Variants in DOCK8 observed in about 807,000 individuals in gnomAD.
The protein encoded by DOCK8 is dedicator of cytokinesis protein 8.
Under a neutral mutation model 245.6 loss-of-function variants are expected in DOCK8, and 141 were observed. The ratio of observed to expected loss-of-function variants is 0.57; its 90% CI spans 0.50 to 0.66. The LOEUF is 0.66. Ranked by LOEUF, DOCK8 falls within the 30% of genes least tolerant of loss-of-function variation. The pLI is 0.00. For synonymous variants in DOCK8, 1,168 were observed against 970.2 expected, an observed-to-expected ratio of 1.20 and a Z score of -3.79; for missense variants, 2,965 against 2,603.4, an observed-to-expected ratio of 1.14 and a Z score of -3.02.
chr9:317,318 A>T (rs1335483343), intron 7 of DOCK8, among the ~76,000 whole-genome samples, 190 bp downstream of exon 7: 1 of 152,090 alleles, frequency 6.6e-6, no homozygotes, highest in African/African-American at 2.4e-5. Flanking sequence ...CAACTTCTTG[A>T]TGGTCATTCT....
chr9:309,405 C>A lies in DOCK8; in HGVS notation c.529-2549C>A, dbSNP rs74769552. ...AAAATGTGTAGTATGGAGAAATTGT[C>A]CAGTAGTATGTCCATTTAGTAGAAT... On this transcript the variant is annotated intron_variant, in intron 5 of 47. Coordinates refer to ENST00000432829, the MANE Select transcript of DOCK8 (RefSeq NM_203447.4). Among the ~76,000 whole-genome samples, 1,518 of 152,078 alleles carry A rather than the reference C, an allele frequency of 1.0e-2. 25 individuals are homozygous for A. Among genetic ancestry groups the A allele is most frequent in the African/African-American group, 0.035 (1,437 of 41,476 alleles).
At position 373,396 on chromosome 9, in the gene DOCK8, CTG is replaced by C. The variant is rs1362537956; in HGVS notation, c.2109+1112_2109+1113del. 1.1e-4 allele frequency among the ~76,000 whole-genome samples: 16 copies of C among 152,248 alleles called. No individual in the cohort carries two copies. In the South Asian group the frequency reaches 2.9e-3, roughly 28 times the overall value. On this transcript the variant is annotated intron_variant, in intron 18 of 47. Transcript: ENST00000432829. ...CCATTGTCATACTTTAAAATTTTAA[CTG>C]TAATTTCTTAGTATCATCAAATATT...
In DOCK8 at chr9:215,083, T is replaced by G. The variant is rs201447274; in HGVS notation, c.53+54T>G. On this transcript the variant is annotated intron_variant, in intron 1 of 47. Transcript: ENST00000432829. The stretch of plus-strand genomic sequence containing the variant: ...GCGGCCGGACAGCCCAGCGCTGGTG[T>G]GAAGCGGAGCTTCGCTGCAGGGGCC... The G allele has an allele frequency of 1.3e-3, 1,916 of 1,530,222 alleles. 6 individuals are homozygous for G. Among genetic ancestry groups the G allele is most frequent in the Non-Finnish European group, 1.1e-3 (1,226 of 1,147,096 alleles). 94.8% of individuals were successfully genotyped at this position (1,530,222 alleles called of 1,614,324 possible). A position where few individuals can be genotyped will look rare whatever the true frequency, so the allele number is the denominator to read the frequency against.
At chr9:403,964 A>ATATATATGTGTGTATATATATATATGTG (rs1564021786) in intron 26 of DOCK8, among the ~76,000 whole-genome samples, 1 of 75,702 alleles carries the variant, frequency 1.3e-5, no homozygotes, top group South Asian at 3.9e-4. Flanking sequence ...ATATATGTAT[A>ATATATATGTGTGTATATATATATATGTG]TATATATATA....
chr9:333,570 C>T (rs980517710), intron 10 of DOCK8, among the ~76,000 whole-genome samples: 3 of 150,490 alleles, frequency 2.0e-5, no homozygotes, highest in Non-Finnish European at 4.4e-5. Context: ...CACTGCACTC[C>T]AGCCTGGGTG....
At chr9:352,075 G>T (rs181203642) in intron 14 of DOCK8, among the ~76,000 whole-genome samples, 21 of 152,300 alleles carry the variant, frequency 1.4e-4, no homozygotes, top group Non-Finnish European at 2.5e-4. Context: ...AGAAATGTTT[G>T]ATGTTGCTAA....
At chr9:407,150 C>T in intron 28 of DOCK8, 81 bp downstream of exon 28, 2 of 1,584,070 alleles carry the variant, frequency 1.3e-6, no homozygotes, top group South Asian at 2.3e-5. Flanking sequence ...TAGCTTCTCA[C>T]ACTTGGTAAA....
chr9:422,618 A>G (rs950844111), intron 33 of DOCK8, among the ~76,000 whole-genome samples: 4 of 152,250 alleles, frequency 2.6e-5, no homozygotes, highest in African/African-American at 9.6e-5. Flanking sequence ...ATTGCCATCA[A>G]AATGTTTTAA....
At chr9:455,931 T>C (rs968541313) in intron 46 of DOCK8, among the ~76,000 whole-genome samples, 7 of 152,216 alleles carry the variant, frequency 4.6e-5, no homozygotes, top group African/African-American at 1.7e-4. Flanking sequence ...TCAGCAGTTA[T>C]TGAGCTCCTA....
At chr9:401,166 A>T (rs1024935006) in intron 26 of DOCK8, among the ~76,000 whole-genome samples, 4 of 151,132 alleles carry the variant, frequency 2.6e-5, no homozygotes, top group African/African-American at 4.9e-5. Flanking sequence ...AAGTTTTTCC[A>T]ATTTTATGGG....
chr9:406,003 C>T (rs781175534), intron 27 of DOCK8, among the ~76,000 whole-genome samples: 4 of 152,174 alleles, frequency 2.6e-5, no homozygotes, highest in Non-Finnish European at 2.9e-5. Flanking sequence ...TGGCCAAACC[C>T]AGGGGCCAGG....
At chr9:338,901 C>T in intron 12 of DOCK8, 105 bp from the exon 13 acceptor site, 1 of 880,364 alleles carries the variant, frequency 1.1e-6, no homozygotes, top group Admixed American at 2.0e-5. Flanking sequence ...CTATGAAAGA[C>T]TTGTGAGAAT....
intron 14 of DOCK8, among the ~76,000 whole-genome samples, chr9:356,387 A>C (rs1404843691): frequency 6.6e-6 from 1 of 151,968 alleles, no homozygotes; most frequent in African/African-American, 2.4e-5. Context: ...AAAACTAGCC[A>C]GGCGTGGTAG....
At chr9:281,247 CAAAAA>C (rs35178052) in intron 2 of DOCK8, among the ~76,000 whole-genome samples, 1 of 142,470 alleles carries the variant, frequency 7.0e-6, no homozygotes, top group South Asian at 2.2e-4. Flanking sequence ...GACTCTGTCT[CAAAAA>C]AAAAAAAAGT....
intron 28 of DOCK8, among the ~76,000 whole-genome samples, chr9:412,337 G>C (rs566759847): frequency 6.6e-6 from 1 of 151,006 alleles, no homozygotes; most frequent in East Asian, 1.9e-4. Context: ...CCCAGAAAGC[G>C]GAGGTTGTAG....
intron 1 of DOCK8, among the ~76,000 whole-genome samples, chr9:270,279 G>A (rs1162199371): frequency 2.0e-5 from 3 of 152,134 alleles, no homozygotes; most frequent in Non-Finnish European, 2.9e-5. Flanking sequence ...ATCATGTAAC[G>A]GGCCACCACT....
intron 43 of DOCK8, among the ~76,000 whole-genome samples, chr9:445,533 G>C (rs1414112378): frequency 1.3e-5 from 2 of 152,174 alleles, no homozygotes; most frequent in Non-Finnish European, 2.9e-5. Flanking sequence ...TTGGTGTTTA[G>C]TTCTATGAGT....
At chr9:396,318 A>G (rs569611267) in intron 24 of DOCK8, among the ~76,000 whole-genome samples, 68 of 152,314 alleles carry the variant, frequency 4.5e-4, no homozygotes, top group African/African-American at 1.6e-3. Context: ...TCAAGATAGG[A>G]GGAACATTTC....
At chr9:263,346 A>G (rs2047964229) in intron 1 of DOCK8, among the ~76,000 whole-genome samples, 1 of 152,150 alleles carries the variant, frequency 6.6e-6, no homozygotes, top group Admixed American at 6.5e-5. Flanking sequence ...GAATCCTAGT[A>G]TTAATTAGTA....
Sources: gnomAD v4.1 joint callset for allele counts (sites outside exome capture counted in the v4.1 genomes callset) on GRCh38, gnomAD v4.1.1 for gene constraint, MANE v1.5 for transcripts, NCBI Gene and HGNC (gene_info 2026-07-23, HGNC 2026-07-21) for gene names.